MAPK10: variants seen among roughly 807,000 people sequenced by gnomAD.
MAPK10 encodes the protein mitogen-activated protein kinase 10, also known as JNK3 alpha protein kinase.
MAPK10 carries 25 observed loss-of-function variants against 59.3 expected under a neutral mutation model. The ratio of observed to expected loss-of-function variants is 0.42; its 90% CI spans 0.31 to 0.59. The LOEUF is 0.59. Ranked by LOEUF, MAPK10 falls within the 20% of genes least tolerant of loss-of-function variation. The probability of loss-of-function intolerance (pLI) is 0.15; values close to 1 mark genes in which losing one functional copy is unlikely to be tolerated. For synonymous variants in MAPK10, 190 were observed against 200.5 expected (o/e 0.95, Z 0.44); for missense variants, 351 against 568.9 (o/e 0.62, Z 3.90).
chr4:86,290,878 A>G (rs1382932804), intron 2 of MAPK10, among the ~76,000 whole-genome samples: 1 of 152,210 alleles, frequency 6.6e-6, no homozygotes, highest in African/African-American at 2.4e-5. Flanking sequence ...AGATACTTGC[A>G]TATGTCTTTA....
At chr4:86,455,098 T>A (rs1208217853), upstream of MAPK10, among the ~76,000 whole-genome samples, 3 of 152,124 alleles carry the variant, frequency 2.0e-5, no homozygotes, top group Non-Finnish European at 4.4e-5. Context: ...AATTCGCCAC[T>A]ACCAAAGCAG....
chr4:86,397,720 T>C (rs1217955164), intron 1 of MAPK10, among the ~76,000 whole-genome samples: 1 of 152,012 alleles, frequency 6.6e-6, no homozygotes, highest in Non-Finnish European at 1.5e-5. Context: ...TGTTAATAGG[T>C]ATTTATTTGA....
intron 2 of MAPK10, among the ~76,000 whole-genome samples, chr4:86,231,610 C>A (rs2091553303): frequency 6.6e-6 from 1 of 151,932 alleles, no homozygotes; most frequent in Non-Finnish European, 1.5e-5. Flanking sequence ...TTGGAGTGAG[C>A]TGAGATTGCG....
intron 4 of MAPK10, among the ~76,000 whole-genome samples, chr4:86,114,102 T>C (rs1259027050): frequency 6.6e-6 from 1 of 152,216 alleles, no homozygotes; most frequent in Non-Finnish European, 1.5e-5. Context: ...TTATTCTAGT[T>C]AACAGCTCCT....
At chr4:86,289,810 T>G (rs1302390873) in intron 2 of MAPK10, among the ~76,000 whole-genome samples, 1 of 152,008 alleles carries the variant, frequency 6.6e-6, no homozygotes, top group Non-Finnish European at 1.5e-5. Context: ...ATTTTGAAGT[T>G]AGACCCAACA....
intron 2 of MAPK10, among the ~76,000 whole-genome samples, chr4:86,291,302 G>A (rs1042650208): frequency 6.6e-6 from 1 of 152,182 alleles, no homozygotes; most frequent in Non-Finnish European, 1.5e-5. Flanking sequence ...AATCTACCTT[G>A]TGTAATACCA....
At chr4:86,592,120 T>G (rs1763086329) in intron 1 of MAPK10, among the ~76,000 whole-genome samples, 1 of 152,162 alleles carries the variant, frequency 6.6e-6, no homozygotes, top group African/African-American at 2.4e-5. Context: ...ACTATTGCCA[T>G]AACTATACAC....
chr4:86,087,919 G>T (rs1418992820), intron 9 of MAPK10, among the ~76,000 whole-genome samples: 1 of 151,890 alleles, frequency 6.6e-6, no homozygotes, highest in Non-Finnish European at 1.5e-5. Flanking sequence ...ATCATAATAT[G>T]GTATGGATGC....
intron 9 of MAPK10, among the ~76,000 whole-genome samples, chr4:86,087,369 A>C (rs905067504): frequency 6.6e-6 from 1 of 152,162 alleles, no homozygotes; most frequent in Non-Finnish European, 1.5e-5. Context: ...CCAAAACTTA[A>C]AGACAATTTC....
intron 1 of MAPK10, among the ~76,000 whole-genome samples, chr4:86,552,119 G>C (rs1759838026): frequency 6.6e-6 from 1 of 151,568 alleles, no homozygotes; most frequent in Non-Finnish European, 1.5e-5. Context: ...AGGGGGGCCA[G>C]TTAAGACAGG....
intron 1 of MAPK10, among the ~76,000 whole-genome samples, chr4:86,416,007 A>C (rs1745817226): frequency 6.6e-6 from 1 of 152,216 alleles, no homozygotes; most frequent in African/African-American, 2.4e-5. Context: ...GTGAATAATA[A>C]GAGTACCACT....
chr4:86,413,010 C>T (rs1470604035), intron 1 of MAPK10, among the ~76,000 whole-genome samples: 7 of 152,198 alleles, frequency 4.6e-5, no homozygotes, highest in Non-Finnish European at 1.0e-4. Context: ...TTCAGCTTTT[C>T]TGCTCTAGTT....
At position 86,206,656 on chromosome 4, in the gene MAPK10, C is replaced by T. The variant is rs553470915; in HGVS notation, c.-6-12249G>A. Among the ~76,000 whole-genome samples the T allele has an allele frequency of 1.4e-3, 218 of 152,274 alleles. 1 individual carries two copies. The highest frequency in any genetic ancestry group is 5.1e-3 in the African/African-American group (213 of 41,546). On this transcript the variant is annotated intron_variant, in intron 2 of 13. Coordinates refer to ENST00000641462, the MANE Select transcript of MAPK10 (RefSeq NM_138982.4). ...ACAAGGGTTGAACTAGTTTACAGTC[C>T]CACCAACAGTGTAAAATTGTTCCTA...
chr4:86,515,983 A>G (rs149071480), intron 1 of MAPK10, among the ~76,000 whole-genome samples: 7,124 of 151,376 alleles, frequency 0.047, 223 homozygotes, highest in African/African-American at 0.059. Flanking sequence ...GAATTTTTCC[A>G]ATGTTGTCTT....
intron 2 of MAPK10, among the ~76,000 whole-genome samples, chr4:86,211,589 G>A (rs969034159): frequency 7.9e-5 from 12 of 152,082 alleles, no homozygotes; most frequent in African/African-American, 2.6e-4. Flanking sequence ...AAAGTCATTC[G>A]GGTTAAAATG....
At chr4:86,036,239 C>A (rs991061258) in intron 11 of MAPK10, among the ~76,000 whole-genome samples, 11 of 152,018 alleles carry the variant, frequency 7.2e-5, no homozygotes, top group African/African-American at 2.7e-4. Context: ...ATTGCTATCA[C>A]CCCCAGAAAG....
intron 2 of MAPK10, among the ~76,000 whole-genome samples, chr4:86,332,330 G>T (rs2096173884): frequency 1.3e-5 from 2 of 151,850 alleles, no homozygotes; most frequent in South Asian, 4.2e-4. Context: ...CCTTCATTGG[G>T]AAGTTATTTT....
intron 9 of MAPK10, among the ~76,000 whole-genome samples, chr4:86,070,640 T>C (rs1164522475): frequency 6.7e-6 from 1 of 148,914 alleles, no homozygotes; most frequent in East Asian, 2.0e-4. Flanking sequence ...GAATATGCGG[T>C]GTTTGGTTTT....
intron 1 of MAPK10, among the ~76,000 whole-genome samples, chr4:86,591,053 T>C (rs1333717664): frequency 1.3e-5 from 2 of 152,160 alleles, no homozygotes; most frequent in African/African-American, 4.8e-5. Flanking sequence ...TTAAAGTATG[T>C]CTTATAACTT....
Sources: gnomAD v4.1 joint callset for allele counts (sites outside exome capture counted in the v4.1 genomes callset) on GRCh38, gnomAD v4.1.1 for gene constraint, MANE v1.5 for transcripts, NCBI Gene and HGNC (gene_info 2026-07-23, HGNC 2026-07-21) for gene names.